KIF24: variants seen among roughly 807,000 people sequenced by gnomAD.
The protein encoded by KIF24 is kinesin family member 24.
KIF24 carries 81 observed loss-of-function variants against 118.9 expected under a neutral mutation model. The ratio of observed to expected loss-of-function variants is 0.68; its 90% CI spans 0.57 to 0.82. The LOEUF is 0.82. Among genes scored for constraint, KIF24 ranks in the 40% least tolerant of loss-of-function variants. The pLI is 0.00. For synonymous variants in KIF24, 599 were observed against 610.0 expected (o/e 0.98, Z 0.27); for missense variants, 1,560 against 1,661.6 (o/e 0.94, Z 1.06).
chr9:34,280,764 G>A (rs768218223), intron 6 of KIF24, among the ~76,000 whole-genome samples: 1 of 152,136 alleles, frequency 6.6e-6, no homozygotes, highest in Non-Finnish European at 1.5e-5. Context: ...TAACGCAAAC[G>A]TGAAGTGTCA....
chr9:34,283,192 C>T lies in KIF24; in HGVS notation c.1215+3425G>A, dbSNP rs146733951. ...GACCAGCCTGTGCAACATGGTGAAA[C>T]CCCATCTCTACTAAAAATGCCAAAA... On this transcript the variant is annotated intron_variant, in intron 6 of 12. Coordinates refer to ENST00000402558, the MANE Select transcript of KIF24 (RefSeq NM_194313.4). 4.7e-3 allele frequency among the ~76,000 whole-genome samples: 719 copies of T among 151,484 alleles called. 6 individuals are homozygous for T. The highest frequency in any genetic ancestry group is 0.017 in the African/African-American group (683 of 41,284).
At chr9:34,280,409 G>A (rs900723645) in intron 6 of KIF24, among the ~76,000 whole-genome samples, 3 of 151,166 alleles carry the variant, frequency 2.0e-5, no homozygotes, top group Non-Finnish European at 4.4e-5. Context: ...GTCTTCTTCT[G>A]AGTGTTTGCT....
intron 8 of KIF24, among the ~76,000 whole-genome samples, chr9:34,265,021 G>A (rs1353764539): frequency 2.0e-5 from 3 of 152,132 alleles, no homozygotes; most frequent in Non-Finnish European, 4.4e-5. Context: ...CTAAGAAAAG[G>A]GGTGAGTGCA....
At chr9:34,289,168 G>C (rs1350362263) in intron 5 of KIF24, among the ~76,000 whole-genome samples, 2 of 152,076 alleles carry the variant, frequency 1.3e-5, no homozygotes, top group Middle Eastern at 3.2e-3. Context: ...CTTTTCACTG[G>C]AATAGTTATA....
chr9:34,259,692 G>T lies in KIF24; in HGVS notation c.1529C>A (p.Ser510Tyr). 1 of 1,613,474 alleles carries T rather than the reference G, an allele frequency of 6.2e-7. No homozygotes were observed. Among genetic ancestry groups the T allele is most frequent in the South Asian group, 1.1e-5 (1 of 91,066 alleles). Reference sequence around the variant, plus strand: ...GCAGGTTTTGGCATTGCCGATGAAAGAGTCCTTCAGGACCTGTCCAAAACA... The same window carrying T: ...GCAGGTTTTGGCATTGCCGATGAAATAGTCCTTCAGGACCTGTCCAAAACA... The part of the protein sequence containing the change: ...QSKLTQVLKD[S>Y]FIGNAKTCMI... Residue 510 changes from serine (S) to tyrosine (Y), a missense_variant, in exon 10 of 13, where the codon TCT becomes TAT. Physicochemically the swap from Ser to Tyr is moderately radical, Grantham distance 144. Coordinates refer to ENST00000402558, the MANE Select transcript of KIF24 (RefSeq NM_194313.4).
intron 1 of KIF24, among the ~76,000 whole-genome samples, 103 bp downstream of exon 1, chr9:34,329,003 T>G (rs1203809318): frequency 1.3e-5 from 2 of 152,162 alleles, no homozygotes; most frequent in African/African-American, 4.8e-5. Flanking sequence ...ACTGCCAGTT[T>G]CCTCCCGCGC....
intron 6 of KIF24, among the ~76,000 whole-genome samples, chr9:34,280,895 A>G (rs1409936630): frequency 6.6e-6 from 1 of 152,174 alleles, no homozygotes; most frequent in Non-Finnish European, 1.5e-5. Context: ...ATTAATTTTG[A>G]AAAAGCAACA....
chr9:34,254,298 G>T lies in KIF24; in HGVS notation c.*82C>A. The stretch of plus-strand genomic sequence containing the variant: ...GTGTGGGTTCTGGTGTGTGCAGGGA[G>T]GACCTGGCAGAGGCTCCTCCAGCCT... On this transcript the variant is annotated 3_prime_UTR_variant, in exon 13 of 13. Transcript: ENST00000402558. The T allele has an allele frequency of 6.9e-7, 1 of 1,442,630 alleles. No homozygotes were observed. The highest frequency in any genetic ancestry group is 9.2e-7 in the Non-Finnish European group (1 of 1,087,870). 89.4% of individuals were successfully genotyped at this position (1,442,630 alleles called of 1,614,324 possible). A position where few individuals can be genotyped will look rare whatever the true frequency, so the allele number is the denominator to read the frequency against.
intron 6 of KIF24, among the ~76,000 whole-genome samples, chr9:34,284,134 G>A (rs1334546138): frequency 6.6e-6 from 1 of 151,884 alleles, no homozygotes; most frequent in African/African-American, 2.4e-5. Flanking sequence ...CAAGTGTGGT[G>A]GCATATGCTT....
chr9:34,294,524 G>T (rs62556606), intron 4 of KIF24, among the ~76,000 whole-genome samples: 194 of 146,702 alleles, frequency 1.3e-3, no homozygotes, highest in Non-Finnish European at 2.4e-3. Context: ...CTCCAGCCTG[G>T]GCAACAAGAG....
intron 8 of KIF24, among the ~76,000 whole-genome samples, chr9:34,267,657 C>A (rs1225979167): frequency 6.6e-6 from 1 of 151,982 alleles, no homozygotes; most frequent in Non-Finnish European, 1.5e-5. Flanking sequence ...ATTATTTCAG[C>A]ATGTAGTCAA....
upstream of KIF24, among the ~76,000 whole-genome samples, chr9:34,330,690 G>A (rs1374527188): frequency 6.6e-6 from 1 of 152,172 alleles, no homozygotes; most frequent in Admixed American, 6.5e-5. Flanking sequence ...GGCCGGGCGC[G>A]GTGGCTCACG....
chr9:34,327,378 C>T (rs2131842145), intron 1 of KIF24, among the ~76,000 whole-genome samples: 3 of 152,102 alleles, frequency 2.0e-5, no homozygotes, highest in African/African-American at 7.2e-5. Context: ...AACTGTGGTT[C>T]TCCCTAAACT....
chr9:34,258,779 A>C (rs1834949263), intron 10 of KIF24, among the ~76,000 whole-genome samples: 1 of 152,210 alleles, frequency 6.6e-6, no homozygotes, highest in Non-Finnish European at 1.5e-5. Context: ...CAGGAAGCAA[A>C]ACCTCCAGAA....
rs1834893007 is a variant in KIF24, at chr9:34,257,355, G to A, written c.2252C>T (p.Thr751Ile). ...TPARPASEAW[T>I]NIPPHQKERE... Reference sequence around the variant, plus strand: ...CTCCTTCTGATGTGGCGGGATGTTTGTCCAAGCTTCAGAGGCAGGCCTAGC... The same window carrying A: ...CTCCTTCTGATGTGGCGGGATGTTTATCCAAGCTTCAGAGGCAGGCCTAGC... The change falls in exon 11 of 13, where the codon ACA becomes ATA. Residue 751 changes from threonine to isoleucine, a missense_variant. Thr to Ile is a moderately conservative substitution (Grantham distance 89). Coordinates refer to ENST00000402558, the MANE Select transcript of KIF24 (RefSeq NM_194313.4). 1 of 1,613,932 alleles carries A rather than the reference G, an allele frequency of 6.2e-7. No individual in the cohort carries two copies. Among genetic ancestry groups the A allele is most frequent in the Non-Finnish European group, 8.5e-7 (1 of 1,179,904 alleles).
intron 1 of KIF24, among the ~76,000 whole-genome samples, chr9:34,325,665 C>G (rs1024657075): frequency 2.6e-5 from 4 of 152,032 alleles, no homozygotes; most frequent in African/African-American, 9.7e-5. Flanking sequence ...GCACTCCAGC[C>G]TGGGCAACAG....
chr9:34,264,643 A>G (rs1835219032), intron 8 of KIF24, among the ~76,000 whole-genome samples: 3 of 152,118 alleles, frequency 2.0e-5, no homozygotes, highest in Non-Finnish European at 2.9e-5. Context: ...GTATTCCCCA[A>G]CTTTAGCACT....
intron 7 of KIF24, among the ~76,000 whole-genome samples, chr9:34,270,934 T>C (rs1481228846): frequency 7.1e-6 from 1 of 141,158 alleles, no homozygotes; most frequent in African/African-American, 2.6e-5. Context: ...CCCTGTCTCT[T>C]AAAAAAAAAA....
chr9:34,308,033 C>T (rs886938449), intron 2 of KIF24, among the ~76,000 whole-genome samples: 7 of 152,164 alleles, frequency 4.6e-5, no homozygotes, highest in South Asian at 4.1e-4. Flanking sequence ...TGCAGTGGTG[C>T]GAGCATAGCT....
Sources: gnomAD v4.1 joint callset for allele counts (sites outside exome capture counted in the v4.1 genomes callset) on GRCh38, gnomAD v4.1.1 for gene constraint, MANE v1.5 for transcripts, NCBI Gene and HGNC (gene_info 2026-07-23, HGNC 2026-07-21) for gene names.